The following GRID2 variants were observed in gnomAD, a reference collection of about 807,000 sequenced individuals.
GRID2 encodes glutamate ionotropic receptor delta type subunit 2, also known as glutamate receptor ionotropic, delta-2.
GRID2 carries 33 observed loss-of-function variants against 114.8 expected under a neutral mutation model. That is an observed-to-expected ratio of 0.29 (90% CI 0.22 to 0.38). GRID2 has a LOEUF of 0.38. Among genes scored for constraint, GRID2 ranks in the 10% least tolerant of loss-of-function variants. The probability of loss-of-function intolerance (pLI) is 1.00; values close to 1 mark genes in which losing one functional copy is unlikely to be tolerated. For synonymous variants in GRID2, 505 were observed against 449.9 expected (o/e 1.12, Z -1.55); for missense variants, 1,184 against 1,257.7 (o/e 0.94, Z 0.89).
At chr4:92,980,072 T>A (rs1486559218) in intron 2 of GRID2, among the ~76,000 whole-genome samples, 1 of 152,280 alleles carries the variant, frequency 6.6e-6, no homozygotes, top group East Asian at 1.9e-4. Context: ...TTTGCCTTAA[T>A]AATAATGTGT....
intron 1 of GRID2, among the ~76,000 whole-genome samples, chr4:92,428,815 T>A (rs188965577): frequency 1.3e-5 from 2 of 152,294 alleles, no homozygotes; most frequent in Admixed American, 1.3e-4. Context: ...ACAGTAGGTG[T>A]GTACATTTTT....
intron 13 of GRID2, among the ~76,000 whole-genome samples, chr4:93,560,384 G>A (rs1006159808): frequency 6.6e-6 from 1 of 151,946 alleles, no homozygotes; most frequent in Admixed American, 6.6e-5. Context: ...GCTTTTACTC[G>A]TGGTAGAAGG....
chr4:92,428,827 T>G (rs1395166276), intron 1 of GRID2, among the ~76,000 whole-genome samples: 1 of 152,188 alleles, frequency 6.6e-6, no homozygotes, highest in East Asian at 1.9e-4. Context: ...TACATTTTTT[T>G]GAAAACATTA....
chr4:93,549,297 A>G (rs923957625), intron 13 of GRID2, among the ~76,000 whole-genome samples: 1 of 152,220 alleles, frequency 6.6e-6, no homozygotes, highest in Non-Finnish European at 1.5e-5. Flanking sequence ...TAGGATGTAG[A>G]GAATACTCTT....
intron 8 of GRID2, among the ~76,000 whole-genome samples, chr4:93,356,740 A>G (rs921158503): frequency 9.2e-5 from 14 of 151,888 alleles, no homozygotes; most frequent in African/African-American, 3.4e-4. Flanking sequence ...GAAATCACTG[A>G]AATTCCATTT....
intron 2 of GRID2, among the ~76,000 whole-genome samples, chr4:92,611,679 C>T (rs766766669): frequency 7.9e-5 from 12 of 151,518 alleles, no homozygotes; most frequent in Non-Finnish European, 1.6e-4. Context: ...CCAATTTCTT[C>T]ACATTTTTGC....
chr4:93,314,693 T>C (rs1473084304), intron 8 of GRID2, among the ~76,000 whole-genome samples: 1 of 152,054 alleles, frequency 6.6e-6, no homozygotes, highest in East Asian at 1.9e-4. Context: ...TATTGAGATA[T>C]AATTGCCAAA....
At chr4:93,448,335 A>G (rs919092849) in intron 10 of GRID2, among the ~76,000 whole-genome samples, 10 of 151,968 alleles carry the variant, frequency 6.6e-5, no homozygotes, top group Non-Finnish European at 1.3e-4. Context: ...TAGTAAAAGA[A>G]AAACCTACCA....
chr4:92,665,710 A>G (rs1176589506), intron 2 of GRID2, among the ~76,000 whole-genome samples: 1 of 148,302 alleles, frequency 6.7e-6, no homozygotes, highest in Non-Finnish European at 1.5e-5. Flanking sequence ...CTTGGTTGAC[A>G]TGTTTTTTTT....
intron 1 of GRID2, among the ~76,000 whole-genome samples, chr4:92,577,675 C>T (rs907073197): frequency 2.0e-5 from 3 of 152,030 alleles, no homozygotes; most frequent in African/African-American, 4.8e-5. Context: ...GAAAGGACTA[C>T]AGGAAGAGCA....
At chr4:92,412,400 C>T (rs919419442) in intron 1 of GRID2, among the ~76,000 whole-genome samples, 1 of 151,604 alleles carries the variant, frequency 6.6e-6, no homozygotes. Flanking sequence ...TTCTGAATCA[C>T]CTATTCCTAG....
At chr4:92,881,586 T>C (rs1746015488) in intron 2 of GRID2, among the ~76,000 whole-genome samples, 1 of 152,222 alleles carries the variant, frequency 6.6e-6, no homozygotes, top group Non-Finnish European at 1.5e-5. Flanking sequence ...TTTATAGTTG[T>C]CAATAGATCA....
chr4:92,422,423 T>G (rs1162271589), intron 1 of GRID2, among the ~76,000 whole-genome samples: 1 of 152,132 alleles, frequency 6.6e-6, no homozygotes, highest in African/African-American at 2.4e-5. Flanking sequence ...TTTATTTTAT[T>G]TTTGTGGGAG....
intron 2 of GRID2, chr4:92,884,873 G>C: frequency 2.4e-6 from 1 of 411,256 alleles, no homozygotes; most frequent in Non-Finnish European, 5.0e-6. Flanking sequence ...AGTGTCAGTT[G>C]AGAAATGTTC....
At chr4:93,153,873 C>A (rs758135723) in intron 4 of GRID2, among the ~76,000 whole-genome samples, 48 of 152,050 alleles carry the variant, frequency 3.2e-4, no homozygotes, top group Non-Finnish European at 6.5e-4. Context: ...AGCATGAGAT[C>A]TACCTTCTTA....
At chr4:93,608,097 T>C (rs1319606251) in intron 13 of GRID2, among the ~76,000 whole-genome samples, 1 of 137,202 alleles carries the variant, frequency 7.3e-6, no homozygotes, top group Non-Finnish European at 1.6e-5. Context: ...TACACATATA[T>C]GTATATATAC....
intron 2 of GRID2, among the ~76,000 whole-genome samples, chr4:92,760,894 T>C (rs182657757): frequency 2.0e-4 from 31 of 152,298 alleles, no homozygotes; most frequent in African/African-American, 6.0e-4. Flanking sequence ...TCACATTTTG[T>C]TGTGACTAAT....
chr4:92,557,759 TA>T (rs1726928159), intron 1 of GRID2, among the ~76,000 whole-genome samples: 1 of 151,892 alleles, frequency 6.6e-6, no homozygotes, highest in African/African-American at 2.4e-5. Context: ...CCTCTAGTCC[TA>T]GGTTTGTACT....
intron 2 of GRID2, among the ~76,000 whole-genome samples, chr4:92,902,190 A>C (rs554175448): frequency 6.6e-6 from 1 of 152,138 alleles, no homozygotes; most frequent in Non-Finnish European, 1.5e-5. Context: ...ATATTTCTGG[A>C]AATTCATTAA....
Sources: gnomAD v4.1 joint callset for allele counts (sites outside exome capture counted in the v4.1 genomes callset) on GRCh38, gnomAD v4.1.1 for gene constraint, MANE v1.5 for transcripts, NCBI Gene and HGNC (gene_info 2026-07-23, HGNC 2026-07-21) for gene names.